PCDHGA10: variants seen among roughly 807,000 people sequenced by gnomAD.
PCDHGA10 encodes the protein protocadherin gamma subfamily A, 10.
A neutral mutation model predicts 59.5 loss-of-function variants in PCDHGA10; 42 were observed. The ratio of observed to expected loss-of-function variants is 0.71; its 90% confidence interval spans 0.55 to 0.91. PCDHGA10 has a LOEUF of 0.91. Among genes scored for constraint, PCDHGA10 ranks in the 40% least tolerant of loss-of-function variants. The pLI is 0.00. For missense variants in PCDHGA10, 1,111 were observed against 1,198.2 expected (o/e 0.93, Z 1.07); for synonymous variants, 511 against 517.2 (o/e 0.99, Z 0.16).
Position 141,486,445 on chromosome 5 carries a change from G to A in PCDHGA10, c.2437-8362G>A. On this transcript the variant is annotated intron_variant, in intron 1 of 3. Coordinates refer to ENST00000398610, the MANE Select transcript of PCDHGA10 (RefSeq NM_018913.3). The surrounding 1 kb of genome is among the most constrained non-coding windows in gnomAD (Gnocchi z 5.0). ...AGGCCAAATCTAGCTATGACATCAT[G>A]GTCACTGCTTCTGATGCTGGGAACC... 6.2e-7 allele frequency: 1 copy of A among 1,613,948 alleles called. No homozygotes were observed. The highest frequency in any genetic ancestry group is 8.5e-7 in the Non-Finnish European group (1 of 1,179,862).
In PCDHGA10 at chr5:141,491,424, G is replaced by A. The variant is rs745755214; in HGVS notation, c.2437-3383G>A. The A allele has an allele frequency of 6.2e-7, 1 of 1,614,092 alleles. No individual in the cohort carries two copies. Among genetic ancestry groups the A allele is most frequent in the Non-Finnish European group, 8.5e-7 (1 of 1,180,028 alleles). ...ACGCAGACGGGGACGGGGGTGGAGG[G>A]CAGTGCTGCAGGCGCCAGGACTCAC... On this transcript the variant is annotated intron_variant, in intron 1 of 3. Coordinates refer to ENST00000398610, the MANE Select transcript of PCDHGA10 (RefSeq NM_018913.3). The surrounding 1 kb of genome is among the most constrained non-coding windows in gnomAD (Gnocchi z 6.9).
In PCDHGA10 at chr5:141,487,579, A is replaced by G. The variant is rs779441421; in HGVS notation, c.2437-7228A>G. 60 of 1,614,022 alleles carry G rather than the reference A, an allele frequency of 3.7e-5. No homozygotes were observed. The South Asian group carries it at 6.0e-4, about 16-fold the overall frequency. The stretch of plus-strand genomic sequence containing the variant: ...CTATGGCAGGGGAGCCTGTTCGCCC[A>G]AGCTGCCCACCCTCTGATCTTCTCT... On this transcript the variant is annotated intron_variant, in intron 1 of 3. Transcript: ENST00000398610. This position sits in a 1 kb window ranked among gnomAD's most constrained non-coding sequence, Gnocchi z 5.0.
chr5:141,445,303 G>A (rs145466142), intron 1 of PCDHGA10, among the ~76,000 whole-genome samples: 327 of 152,332 alleles, frequency 2.1e-3, no homozygotes, highest in African/African-American at 7.6e-3. Context: ...ATTCTCTTCA[G>A]TTTGTAGGTT....
At chr5:141,500,223 T>TTG (rs1227708024) in intron 2 of PCDHGA10, among the ~76,000 whole-genome samples, 1 of 145,320 alleles carries the variant, frequency 6.9e-6, no homozygotes, top group Non-Finnish European at 1.5e-5. Flanking sequence ...TTTATTTATT[T>TTG]ATTGATACGT....
chr5:141,488,170 T>C (rs554585709), intron 1 of PCDHGA10, among the ~76,000 whole-genome samples: 2 of 152,318 alleles, frequency 1.3e-5, no homozygotes, highest in African/African-American at 2.4e-5. Context: ...ATCAGAGTGG[T>C]GGCATAGATC....
At chr5:141,459,846 A>G (rs945742948) in intron 1 of PCDHGA10, among the ~76,000 whole-genome samples, 1 of 152,170 alleles carries the variant, frequency 6.6e-6, no homozygotes, top group Admixed American at 6.5e-5. Context: ...CTATTTGTAT[A>G]TCTTCTTGAA....
chr5:141,489,491 T>C lies in PCDHGA10; in HGVS notation c.2437-5316T>C. On this transcript the variant is annotated intron_variant, in intron 1 of 3. Transcript: ENST00000398610. This position sits in a 1 kb window ranked among gnomAD's most constrained non-coding sequence, Gnocchi z 4.5. ...TCCCTGAGCTTGATGAGTGGTGCCC[T>C]GGCAGTGAATCAAAAGATTGACCGA... The C allele has an allele frequency of 6.2e-7, 1 of 1,614,066 alleles. No individual in the cohort carries two copies. The highest frequency in any genetic ancestry group is 8.5e-7 in the Non-Finnish European group (1 of 1,180,024).
chr5:141,498,103 G>C (rs2099781622), intron 2 of PCDHGA10, among the ~76,000 whole-genome samples: 1 of 152,216 alleles, frequency 6.6e-6, no homozygotes. Context: ...GGTGGTGTGG[G>C]CGTATAATAG....
Position 141,489,368 on chromosome 5 carries a change from C to T in PCDHGA10, c.2437-5439C>T, listed in dbSNP as rs889945954. The T allele has an allele frequency of 1.2e-5, 20 of 1,613,264 alleles. No homozygotes were observed. The highest frequency in any genetic ancestry group is 1.6e-5 in the Non-Finnish European group (19 of 1,179,484). On this transcript the variant is annotated intron_variant, in intron 1 of 3. Transcript: ENST00000398610. The surrounding 1 kb of genome is among the most constrained non-coding windows in gnomAD (Gnocchi z 4.5). The stretch of plus-strand genomic sequence containing the variant: ...GTGGTGGAGGAGTCTGAGCCGGGGA[C>T]GCTGGTGGGGAATGTTGCTCAGGAT...
intron 1 of PCDHGA10, among the ~76,000 whole-genome samples, chr5:141,483,889 CT>C (rs1298469461): frequency 6.6e-6 from 1 of 151,866 alleles, no homozygotes; most frequent in Admixed American, 6.6e-5. Flanking sequence ...TTCTATTTCT[CT>C]GAGCTCTGGT....
At chr5:141,504,980 G>A (rs113323355) in intron 2 of PCDHGA10, among the ~76,000 whole-genome samples, 174 of 152,196 alleles carry the variant, frequency 1.1e-3, no homozygotes, top group African/African-American at 3.9e-3. Context: ...TGGCCAACAT[G>A]GTGAAACCCC....
intron 1 of PCDHGA10, 144 bp downstream of exon 1, chr5:141,415,755 T>TTTG: frequency 1.4e-6 from 2 of 1,387,632 alleles, no homozygotes; most frequent in Middle Eastern, 2.6e-4. Context: ...TTTTTTTTTT[T>TTTG]TTTTTTTTTT....
intron 1 of PCDHGA10, among the ~76,000 whole-genome samples, chr5:141,492,394 G>C (rs2099740158): frequency 6.6e-6 from 1 of 152,220 alleles, no homozygotes; most frequent in African/African-American, 2.4e-5. Context: ...CGGTCCACTC[G>C]CAGCTCCCCT....
In PCDHGA10 at chr5:141,432,293, G is replaced by A; in HGVS notation, c.2436+16682G>A. On this transcript the variant is annotated intron_variant, in intron 1 of 3. Transcript: ENST00000398610. The surrounding 1 kb of genome is among the most constrained non-coding windows in gnomAD (Gnocchi z 6.0). ...CTACGTGTCCATCAACTCCGACACT[G>A]GGGTACTGTATGCGCTGAGCTCCTT... 1 of 1,614,254 alleles carries A rather than the reference G, an allele frequency of 6.2e-7. No homozygotes were observed. Among genetic ancestry groups the A allele is most frequent in the Non-Finnish European group, 8.5e-7 (1 of 1,180,040 alleles).
At chr5:141,467,537 A>G (rs2154569542) in intron 1 of PCDHGA10, among the ~76,000 whole-genome samples, 1 of 152,192 alleles carries the variant, frequency 6.6e-6, no homozygotes, top group Non-Finnish European at 1.5e-5. Context: ...TGAGATATGG[A>G]TCTGATTATA....
intron 1 of PCDHGA10, chr5:141,417,959 C>A (rs759279387): frequency 5.0e-6 from 8 of 1,613,734 alleles, no homozygotes; most frequent in Non-Finnish European, 6.8e-6. Context: ...TGAGCCGATC[C>A]GCTACTCGAT....
intron 1 of PCDHGA10, chr5:141,417,647 C>T: frequency 2.5e-6 from 2 of 812,384 alleles, no homozygotes; most frequent in Non-Finnish European, 3.7e-6. Context: ...ATCCCTCAGC[C>T]TCTAGCCTGG....
chr5:141,510,919 C>T (rs748157000), intron 3 of PCDHGA10, 28 bp from the exon 4 acceptor site: 1 of 1,613,894 alleles, frequency 6.2e-7, no homozygotes, highest in East Asian at 2.2e-5. Context: ...AAGTTTAGCT[C>T]CCACCTGATC....
intron 2 of PCDHGA10, among the ~76,000 whole-genome samples, chr5:141,495,725 C>G (rs1339925752): frequency 1.3e-5 from 2 of 151,986 alleles, no homozygotes; most frequent in African/African-American, 4.8e-5. Flanking sequence ...TACACGGGAC[C>G]CTTAGTCTCT....
Sources: allele counts gnomAD v4.1 joint callset (sites outside exome capture counted in the v4.1 genomes callset), GRCh38; gene constraint gnomAD v4.1.1; non-coding constraint Gnocchi (gnomAD v3.1); transcripts MANE v1.5; gene names NCBI Gene and HGNC (gene_info 2026-07-23, HGNC 2026-07-21).